Variants in EXOC6B observed in about 807,000 individuals in gnomAD.
EXOC6B encodes the protein exocyst complex component 6B, also known as SEC15 homolog B.
A neutral mutation model predicts 113.5 loss-of-function variants in EXOC6B; 54 were observed. That is an observed-to-expected ratio of 0.48 (90% CI 0.38 to 0.60). EXOC6B has a LOEUF of 0.60. Ranked by LOEUF, EXOC6B falls within the 20% of genes least tolerant of loss-of-function variation. EXOC6B has a pLI of 0.00. For missense variants in EXOC6B, 797 were observed against 977.5 expected (o/e 0.82, Z 2.46); for synonymous variants, 357 against 339.0 (o/e 1.05, Z -0.58).
intron 20 of EXOC6B, among the ~76,000 whole-genome samples, chr2:72,220,156 C>A (rs62147586): frequency 0.038 from 5,835 of 152,232 alleles, 137 homozygotes; most frequent in Non-Finnish European, 0.051. Flanking sequence ...CACTAGGTAT[C>A]CATAGATGGA....
intron 19 of EXOC6B, among the ~76,000 whole-genome samples, chr2:72,340,027 C>T (rs1572937815): frequency 6.6e-6 from 1 of 152,020 alleles, no homozygotes. Context: ...AGGAAGGATG[C>T]CACCCATTTC....
chr2:72,572,521 A>C (rs1162797523), intron 7 of EXOC6B, among the ~76,000 whole-genome samples: 6 of 152,214 alleles, frequency 3.9e-5, no homozygotes, highest in Non-Finnish European at 8.8e-5. Flanking sequence ...TATTTTTATC[A>C]ATCTTTCAAA....
intron 6 of EXOC6B, among the ~76,000 whole-genome samples, chr2:72,660,845 C>A (rs1674963318): frequency 1.3e-5 from 2 of 148,706 alleles, no homozygotes; most frequent in South Asian, 4.2e-4. Flanking sequence ...CTTCTGGTAT[C>A]TCCTAGCCTG....
chr2:72,295,338 A>G (rs758312222), intron 20 of EXOC6B, among the ~76,000 whole-genome samples: 7 of 152,244 alleles, frequency 4.6e-5, no homozygotes, highest in Admixed American at 2.0e-4. Context: ...AACTATATAC[A>G]TATATTTCTA....
intron 11 of EXOC6B, among the ~76,000 whole-genome samples, chr2:72,502,944 AT>A (rs1305833238): frequency 6.6e-6 from 1 of 152,180 alleles, no homozygotes; most frequent in African/African-American, 2.4e-5. Context: ...GATCAGCATC[AT>A]ATACAGTCTC....
intron 20 of EXOC6B, among the ~76,000 whole-genome samples, chr2:72,242,540 A>C (rs1682380323): frequency 6.6e-6 from 1 of 152,160 alleles, no homozygotes; most frequent in Admixed American, 6.5e-5. Flanking sequence ...AAAATCACAG[A>C]GGGCAGGAAA....
intron 18 of EXOC6B, among the ~76,000 whole-genome samples, chr2:72,459,506 G>C (rs1362202102): frequency 3.3e-5 from 5 of 152,150 alleles, no homozygotes; most frequent in African/African-American, 9.7e-5. Flanking sequence ...CTTCAGCAAA[G>C]TCTCAGGATA....
At chr2:72,558,660 T>G (rs1359940905) in intron 8 of EXOC6B, among the ~76,000 whole-genome samples, 1 of 151,930 alleles carries the variant, frequency 6.6e-6, no homozygotes, top group Non-Finnish European at 1.5e-5. Context: ...TCCCAGCTAC[T>G]CGAGAGGCTG....
chr2:72,667,056 G>A (rs1322772007), intron 6 of EXOC6B, among the ~76,000 whole-genome samples: 2 of 151,882 alleles, frequency 1.3e-5, no homozygotes, highest in African/African-American at 4.8e-5. Context: ...GTAGAGATGG[G>A]GTTTCACCGT....
chr2:72,797,886 C>T lies in EXOC6B; in HGVS notation c.113+27912G>A, dbSNP rs1017839901. ...AAGAATTTTGTTTCATCCCTACCCCCCAATGGAAAAAACTAATCACTCAAA... is the reference window on the plus strand; with the variant it reads ...AAGAATTTTGTTTCATCCCTACCCCTCAATGGAAAAAACTAATCACTCAAA... On this transcript the variant is annotated intron_variant, in intron 1 of 21. Transcript: ENST00000272427. 4.1e-4 allele frequency among the ~76,000 whole-genome samples: 63 copies of T among 151,848 alleles called. 1 individual carries two copies. The highest frequency in any genetic ancestry group is 1.3e-4 in the Non-Finnish European group (9 of 67,980).
chr2:72,718,936 T>G (rs1679818102), intron 5 of EXOC6B, among the ~76,000 whole-genome samples: 2 of 152,196 alleles, frequency 1.3e-5, no homozygotes, highest in Non-Finnish European at 2.9e-5. Context: ...AGGCTAGACT[T>G]CCAACTATGG....
intron 6 of EXOC6B, among the ~76,000 whole-genome samples, chr2:72,646,149 A>G (rs968603083): frequency 1.3e-5 from 2 of 152,220 alleles, no homozygotes; most frequent in African/African-American, 4.8e-5. Context: ...CTACCATCAG[A>G]GAATACTATA....
At chr2:72,525,490 GAAC>G (rs1033281016) in intron 8 of EXOC6B, among the ~76,000 whole-genome samples, 2 of 151,946 alleles carry the variant, frequency 1.3e-5, no homozygotes, top group Admixed American at 6.6e-5. Context: ...TACCTGGCTA[GAAC>G]AACAACAACA....
chr2:72,401,494 CATATAT>C (rs1170388566), intron 18 of EXOC6B, among the ~76,000 whole-genome samples: 2 of 59,644 alleles, frequency 3.4e-5, no homozygotes, highest in Non-Finnish European at 5.8e-5. Flanking sequence ...ATTTTATATA[CATATAT>C]ATATATATAT....
chr2:72,614,716 C>T (rs1399265089), intron 6 of EXOC6B, among the ~76,000 whole-genome samples: 1 of 152,094 alleles, frequency 6.6e-6, no homozygotes, highest in Admixed American at 6.6e-5. Flanking sequence ...GTCAAAAGCA[C>T]TGAAATGCTA....
At chr2:72,210,287 T>G (rs1680106527) in intron 20 of EXOC6B, among the ~76,000 whole-genome samples, 1 of 152,184 alleles carries the variant, frequency 6.6e-6, no homozygotes, top group Admixed American at 6.5e-5. Flanking sequence ...TACAATTAAT[T>G]AAGGAGCCAG....
chr2:72,655,601 CA>C (rs1674518662), intron 6 of EXOC6B, among the ~76,000 whole-genome samples: 1 of 151,886 alleles, frequency 6.6e-6, no homozygotes, highest in Admixed American at 6.6e-5. Context: ...TACATGTATT[CA>C]AAGATGCACT....
chr2:72,212,720 C>T (rs1367332403), intron 20 of EXOC6B, among the ~76,000 whole-genome samples: 1 of 152,192 alleles, frequency 6.6e-6, no homozygotes. Flanking sequence ...AGTGACAACT[C>T]TTATGTTCTC....
At chr2:72,711,947 T>G (rs1349761866) in intron 6 of EXOC6B, among the ~76,000 whole-genome samples, 1 of 152,214 alleles carries the variant, frequency 6.6e-6, no homozygotes, top group Non-Finnish European at 1.5e-5. Flanking sequence ...ATTTTTGAAC[T>G]GCAGTTGACT....
Sources: gnomAD v4.1 joint callset for allele counts (sites outside exome capture counted in the v4.1 genomes callset) on GRCh38, gnomAD v4.1.1 for gene constraint, MANE v1.5 for transcripts, NCBI Gene and HGNC (gene_info 2026-07-23, HGNC 2026-07-21) for gene names.